ZBTB20: variants seen among roughly 807,000 people sequenced by gnomAD.
ZBTB20 encodes zinc finger and BTB domain containing 20.
Under a neutral mutation model 56.9 loss-of-function variants are expected in ZBTB20, and 9 were observed. That is an observed-to-expected ratio of 0.16 (90% CI 0.10 to 0.28). The LOEUF (loss-of-function observed/expected upper bound fraction) is 0.28. Ranked by LOEUF, ZBTB20 falls within the 10% of genes least tolerant of loss-of-function variation. The pLI, the probability that ZBTB20 is intolerant of heterozygous loss-of-function variation, is 1.00. For synonymous variants in ZBTB20, 417 were observed against 420.7 expected (o/e 0.99, Z 0.11); for missense variants, 655 against 1,003.0 (o/e 0.65, Z 4.69).
intron 6 of ZBTB20, among the ~76,000 whole-genome samples, chr3:114,637,025 G>T (rs1304294526): frequency 6.6e-6 from 1 of 152,054 alleles, no homozygotes; most frequent in Non-Finnish European, 1.5e-5. Flanking sequence ...CCAAAAGCTA[G>T]TAAGAGTGGC....
At position 114,875,826 on chromosome 3, in the gene ZBTB20, G is replaced by T. The variant is rs138767639; in HGVS notation, c.-417+24478C>A. ...GTAATTAAAATAATAATTTAGGAAG[G>T]TGCTTTGTGAACTGCAAGACACTTT... is the stretch of plus-strand genomic sequence containing the variant. On this transcript the variant is annotated intron_variant, in intron 4 of 11. Coordinates refer to ENST00000675478, the MANE Select transcript of ZBTB20 (RefSeq NM_001348800.3). 1.0e-2 allele frequency among the ~76,000 whole-genome samples: 1,518 copies of T among 152,224 alleles called. 23 individuals are homozygous for T. Among genetic ancestry groups the T allele is most frequent in the African/African-American group, 0.034 (1,409 of 41,524 alleles).
chr3:114,846,951 C>T (rs1434626544), intron 4 of ZBTB20, among the ~76,000 whole-genome samples: 8 of 152,112 alleles, frequency 5.3e-5, no homozygotes, highest in Admixed American at 4.6e-4. Context: ...ACACTCCCAG[C>T]GCTGTCACCA....
chr3:114,963,477 G>A (rs2077531152), intron 3 of ZBTB20, among the ~76,000 whole-genome samples: 1 of 152,130 alleles, frequency 6.6e-6, no homozygotes. Context: ...ACAAATGAGT[G>A]AAGTTTTACC....
At chr3:114,611,183 T>C (rs758427717) in intron 6 of ZBTB20, among the ~76,000 whole-genome samples, 3 of 152,034 alleles carry the variant, frequency 2.0e-5, no homozygotes, top group Non-Finnish European at 2.9e-5. Context: ...TTGGTGCTGA[T>C]TTGGTTGAAC....
intron 7 of ZBTB20, among the ~76,000 whole-genome samples, chr3:114,436,091 C>T (rs1390491579): frequency 6.6e-6 from 1 of 152,184 alleles, no homozygotes; most frequent in Non-Finnish European, 1.5e-5. Context: ...CACCCGCCAA[C>T]GGTGCATTTC....
intron 10 of ZBTB20, among the ~76,000 whole-genome samples, chr3:114,365,939 C>T (rs1413416100): frequency 1.3e-5 from 2 of 152,094 alleles, no homozygotes; most frequent in African/African-American, 4.8e-5. Context: ...AAAAAATAAT[C>T]GGGTAAAAAA....
chr3:115,105,909 C>T (rs1460784000), intron 1 of ZBTB20, among the ~76,000 whole-genome samples: 1 of 151,984 alleles, frequency 6.6e-6, no homozygotes, highest in Admixed American at 6.6e-5. Flanking sequence ...TCTTCGCCTC[C>T]CCAGTTCAAG....
intron 5 of ZBTB20, among the ~76,000 whole-genome samples, chr3:114,712,881 G>A (rs1428327411): frequency 6.6e-6 from 1 of 152,178 alleles, no homozygotes; most frequent in Non-Finnish European, 1.5e-5. Flanking sequence ...GAGGAGGGAT[G>A]TGAGCTTTTC....
At chr3:114,925,619 T>C (rs987044404) in intron 3 of ZBTB20, among the ~76,000 whole-genome samples, 16 of 152,062 alleles carry the variant, frequency 1.1e-4, no homozygotes, top group Non-Finnish European at 2.1e-4. Context: ...CTCTGCCTCC[T>C]GGGTTCACAC....
chr3:114,573,784 T>C (rs1436073920), intron 6 of ZBTB20, among the ~76,000 whole-genome samples: 1 of 152,128 alleles, frequency 6.6e-6, no homozygotes, highest in Non-Finnish European at 1.5e-5. Flanking sequence ...ACATGTATTC[T>C]TTTCTAAGTT....
chr3:115,033,272 G>A (rs948304894), intron 2 of ZBTB20, among the ~76,000 whole-genome samples: 51 of 151,318 alleles, frequency 3.4e-4, no homozygotes, highest in African/African-American at 1.2e-3. Context: ...TTGAAATGTA[G>A]AAATTCCTAG....
intron 2 of ZBTB20, among the ~76,000 whole-genome samples, chr3:115,015,630 C>T (rs939978982): frequency 2.0e-5 from 3 of 151,836 alleles, no homozygotes; most frequent in African/African-American, 7.3e-5. Flanking sequence ...CCATCCATGT[C>T]CCTGAAAAGG....
rs933373529 is a variant in ZBTB20, at chr3:114,318,550, T to A, written c.*20455A>T. 1 of 152,202 alleles carries A rather than the reference T, an allele frequency of 6.6e-6. No individual in the cohort carries two copies. The allele number at this position is 152,202 out of a possible 1,614,324, so 9.4% of individuals were successfully genotyped here. The stretch of plus-strand genomic sequence containing the variant: ...GCCCACTGAGAGGGTGAAGTCCCAC[T>A]CACATTTTACTTCGTGAGACCTCAA... On this transcript the variant is annotated 3_prime_UTR_variant, in exon 12 of 12. Transcript: ENST00000675478.
chr3:114,617,732 T>C (rs771671330), intron 6 of ZBTB20, among the ~76,000 whole-genome samples: 10 of 152,216 alleles, frequency 6.6e-5, no homozygotes, highest in Non-Finnish European at 1.3e-4. Flanking sequence ...GACTTCCTTG[T>C]TGTCACTCAA....
At position 114,416,155 on chromosome 3, in the gene ZBTB20, G is replaced by A. The variant is rs1298360212; in HGVS notation, c.-254-27050C>T. Among the ~76,000 whole-genome samples the A allele has an allele frequency of 4.6e-5, 7 of 152,028 alleles. No homozygotes were observed. In the South Asian group the frequency reaches 6.2e-4, roughly 14 times the overall value. Reference sequence around the variant, plus strand: ...ATAGTTGAGCATAGAATTTGCCCACGTATGGTACACCCAGGGATTTAGGTG... The same window carrying A: ...ATAGTTGAGCATAGAATTTGCCCACATATGGTACACCCAGGGATTTAGGTG... On this transcript the variant is annotated intron_variant, in intron 7 of 11. Transcript: ENST00000675478.
At chr3:114,957,257 T>G (rs2077277925) in intron 3 of ZBTB20, among the ~76,000 whole-genome samples, 9 of 152,300 alleles carry the variant, frequency 5.9e-5, no homozygotes, top group Middle Eastern at 6.8e-3. Context: ...TAGGTCACAC[T>G]GTCAGTGCTC....
At chr3:114,482,202 T>C (rs1211010741) in intron 7 of ZBTB20, among the ~76,000 whole-genome samples, 2 of 152,034 alleles carry the variant, frequency 1.3e-5, no homozygotes, top group Non-Finnish European at 2.9e-5. Context: ...TGAGGAGGCC[T>C]TGGAGCTGGG....
rs1215866985 is a variant in ZBTB20, at chr3:114,912,614, C to G, written c.-455-12272G>C. Among the ~76,000 whole-genome samples the G allele has an allele frequency of 2.0e-5, 3 of 151,950 alleles. No individual in the cohort carries two copies. The South Asian group carries it at 6.2e-4, about 31-fold the overall frequency. On this transcript the variant is annotated intron_variant, in intron 3 of 11. Coordinates refer to ENST00000675478, the MANE Select transcript of ZBTB20 (RefSeq NM_001348800.3). ...ATGCTTTGTGTTACAAAGAATCCAACTACACTCTTTTAGTTATTTTAAAAT... is the reference window on the plus strand; with the variant it reads ...ATGCTTTGTGTTACAAAGAATCCAAGTACACTCTTTTAGTTATTTTAAAAT...
intron 6 of ZBTB20, among the ~76,000 whole-genome samples, chr3:114,560,738 T>C (rs1394243534): frequency 6.6e-6 from 1 of 152,164 alleles, no homozygotes. Context: ...TTGATGTTGA[T>C]GGTTGCTGAC....
Sources: allele counts gnomAD v4.1 joint callset (sites outside exome capture counted in the v4.1 genomes callset), GRCh38; gene constraint gnomAD v4.1.1; transcripts MANE v1.5; gene names NCBI Gene and HGNC (gene_info 2026-07-23, HGNC 2026-07-21).